The following ATP1A3 variants were observed in gnomAD, a reference collection of about 807,000 sequenced individuals.
The protein encoded by ATP1A3 is sodium/potassium-transporting ATPase subunit alpha-3.
Under a neutral mutation model 108.8 loss-of-function variants are expected in ATP1A3, and 12 were observed. The ratio of observed to expected loss-of-function variants is 0.11; its 90% confidence interval spans 0.07 to 0.18. The LOEUF (loss-of-function observed/expected upper bound fraction) is 0.18, where lower values mean the gene tolerates loss of function less well. Ranked by LOEUF, ATP1A3 falls within the 10% of genes least tolerant of loss-of-function variation. ATP1A3 has a pLI of 1.00. For missense variants in ATP1A3, 498 were observed against 1,387.7 expected, an observed-to-expected ratio of 0.36 and a Z score of 10.19; for synonymous variants, 539 against 564.5, an observed-to-expected ratio of 0.95 and a Z score of 0.64.
At chr19:41,993,302 G>C in intron 1 of ATP1A3, 1 of 1,306,122 alleles carries the variant, frequency 7.7e-7, no homozygotes, top group South Asian at 1.3e-5. Flanking sequence ...AAGGACACAC[G>C]GACACAGAGG....
intron 16 of ATP1A3, among the ~76,000 whole-genome samples, chr19:41,973,521 G>A (rs1568856787): frequency 6.6e-6 from 1 of 152,220 alleles, no homozygotes; most frequent in Non-Finnish European, 1.5e-5. Context: ...CTCCCAAAGT[G>A]CTGGGATTAC....
chr19:41,991,622 G>A (rs1434373699), intron 1 of ATP1A3, among the ~76,000 whole-genome samples: 3 of 152,180 alleles, frequency 2.0e-5, no homozygotes, highest in African/African-American at 7.2e-5. Context: ...GAGAGAGGGA[G>A]AAAATCAGCT....
chr19:41,975,206 A>C (rs2075153115), intron 16 of ATP1A3, among the ~76,000 whole-genome samples: 2 of 152,028 alleles, frequency 1.3e-5, no homozygotes, highest in African/African-American at 4.8e-5. Flanking sequence ...CAACCGCCAC[A>C]ATGCCCGGCT....
intron 16 of ATP1A3, among the ~76,000 whole-genome samples, chr19:41,975,227 A>G (rs2075153512): frequency 6.6e-6 from 1 of 151,974 alleles, no homozygotes; most frequent in East Asian, 1.9e-4. Flanking sequence ...AATTTTTTGT[A>G]TTTTTAGTAG....
At position 41,985,190 on chromosome 19, in the gene ATP1A3, C is replaced by T; in HGVS notation, c.725-4G>A. 1 of 1,613,660 alleles carries T rather than the reference C, an allele frequency of 6.2e-7. No individual in the cohort carries two copies. ...ACCACCACGCCCCGAGCCGTGCCTG[C>T]AGGCCAGAGGGGTTAGGCTGAGGTG... On this transcript the variant is annotated splice_region_variant and splice_polypyrimidine_tract_variant and intron_variant, in intron 7 of 22. Transcript: ENST00000648268. The surrounding 1 kb of genome is among the most constrained non-coding windows in gnomAD (Gnocchi z 8.2).
Position 41,988,569 on chromosome 19 carries a change from G to T in ATP1A3, c.7-7C>A. 2 of 1,614,146 alleles carry T rather than the reference G, an allele frequency of 1.2e-6. No individual in the cohort carries two copies. The highest frequency in any genetic ancestry group is 2.7e-5 in the African/African-American group (2 of 75,026). ...CCTTGTCATCTTTCTTGTCCTGCGA[G>T]GTGGCGATACGATAGCTGTCAGAGC... On this transcript the variant is annotated splice_polypyrimidine_tract_variant and splice_region_variant and intron_variant, in intron 1 of 22. Coordinates refer to ENST00000648268, the MANE Select transcript of ATP1A3 (RefSeq NM_152296.5). The surrounding 1 kb of genome is among the most constrained non-coding windows in gnomAD (Gnocchi z 5.3).
At position 41,971,584 on chromosome 19, in the gene ATP1A3, C is replaced by T. The variant is rs148794981; in HGVS notation, c.2264-1042G>A. The stretch of plus-strand genomic sequence containing the variant: ...CTACACAGCAAGAAGGGGCGAGCTA[C>T]GGACACAACTCCACAGCTGGACCTT... On this transcript the variant is annotated intron_variant, in intron 16 of 22. Coordinates refer to ENST00000648268, the MANE Select transcript of ATP1A3 (RefSeq NM_152296.5). 7.3e-4 allele frequency among the ~76,000 whole-genome samples: 111 copies of T among 152,244 alleles called. 1 individual carries two copies. In the Middle Eastern group the frequency reaches 0.01, roughly 14 times the overall value.
In ATP1A3 at chr19:41,978,920, C is replaced by T. The variant is rs1331064484; in HGVS notation, c.1438-122G>A. On this transcript the variant is annotated intron_variant, in intron 11 of 22. Transcript: ENST00000648268. This position sits in a 1 kb window ranked among gnomAD's most constrained non-coding sequence, Gnocchi z 8.3. ...ATAGGCCCACACCAGGGCTCCCCCACACTCTCTCACAGAGACCTCTGCTCA... is the reference window on the plus strand; with the variant it reads ...ATAGGCCCACACCAGGGCTCCCCCATACTCTCTCACAGAGACCTCTGCTCA... 1.9e-5 allele frequency: 16 copies of T among 827,694 alleles called. No homozygotes were observed. The highest frequency in any genetic ancestry group is 2.9e-5 in the Non-Finnish European group (15 of 512,458). The allele number at this position is 827,694 out of a possible 1,614,324, so 51.3% of individuals were successfully genotyped here. A position where few individuals can be genotyped will look rare whatever the true frequency, so the allele number is the denominator to read the frequency against.
In ATP1A3 at chr19:41,988,397, G is replaced by A. The variant is rs781815502; in HGVS notation, c.94-20C>T. The A allele has an allele frequency of 1.2e-6, 2 of 1,614,184 alleles. No individual in the cohort carries two copies. Among genetic ancestry groups the A allele is most frequent in the South Asian group, 2.2e-5 (2 of 91,084 alleles). On this transcript the variant is annotated intron_variant, in intron 2 of 22. Transcript: ENST00000648268. The surrounding 1 kb of genome is among the most constrained non-coding windows in gnomAD (Gnocchi z 5.3). ...CTCTGTCTGAGGAACAGGAGTTTGG[G>A]GGAGACGGTGAGTGCCTAGGCCAGC...
At chr19:41,984,765 A>G in intron 8 of ATP1A3, 153 bp downstream of exon 8, 3 of 920,546 alleles carry the variant, frequency 3.3e-6, no homozygotes, top group Middle Eastern at 3.4e-4. Flanking sequence ...AGGGGTCCAG[A>G]TCCCAGCCCC....
Position 41,970,303 on chromosome 19 carries a change from A to C in ATP1A3, c.2424T>G (p.Pro808=), listed in dbSNP as rs781875989. 1 of 1,614,128 alleles carries C rather than the reference A, an allele frequency of 6.2e-7. No homozygotes were observed. Among genetic ancestry groups the C allele is most frequent in the Non-Finnish European group, 8.5e-7 (1 of 1,180,022 alleles). Residue 808 remains proline, a synonymous_variant, in exon 18 of 23, where the codon CCT becomes CCG. Coordinates refer to ENST00000648268, the MANE Select transcript of ATP1A3 (RefSeq NM_152296.5). ...CAGCCTCGTACGCCAGTGAGATGGC[A>C]GGGACCTAGGCGGAGGAGGCCGGGT... ...LCIDLGTDMV[P]AISLAYEAAE... is the part of the protein sequence containing the mutation.
At position 41,966,971 on chromosome 19, in the gene ATP1A3, G is replaced by A. The variant is rs1555858734; in HGVS notation, c.3014-6C>T. On this transcript the variant is annotated splice_region_variant and splice_polypyrimidine_tract_variant and intron_variant, in intron 22 of 22. Transcript: ENST00000648268. ...GGTTTCCTTCTCCACCCAACCTGGAGAGACAAAGAAGGAAAGAAAGAGACA... is the reference window on the plus strand; with the variant it reads ...GGTTTCCTTCTCCACCCAACCTGGAAAGACAAAGAAGGAAAGAAAGAGACA... 6.4e-7 allele frequency: 1 copy of A among 1,551,610 alleles called. No homozygotes were observed. Among genetic ancestry groups the A allele is most frequent in the East Asian group, 2.4e-5 (1 of 40,904 alleles).
At chr19:41,989,177 C>A (rs1181003525) in intron 1 of ATP1A3, among the ~76,000 whole-genome samples, 1 of 151,884 alleles carries the variant, frequency 6.6e-6, no homozygotes, top group South Asian at 2.1e-4. Context: ...TGGACTCAAG[C>A]GATCCTCCTG....
At position 41,967,864 on chromosome 19, in the gene ATP1A3, G is replaced by A; in HGVS notation, c.2820-101C>T. ...GGCACAGTGCAGACACCCAGAGACA[G>A]CAGCACAGACACAGAGACAGAGAGG... On this transcript the variant is annotated intron_variant, in intron 20 of 22. Transcript: ENST00000648268. This position sits in a 1 kb window ranked among gnomAD's most constrained non-coding sequence, Gnocchi z 4.2. 1 of 978,096 alleles carries A rather than the reference G, an allele frequency of 1.0e-6. No individual in the cohort carries two copies. Among genetic ancestry groups the A allele is most frequent in the Non-Finnish European group, 1.6e-6 (1 of 621,222 alleles). The allele number at this position is 978,096 out of a possible 1,614,324, so 60.6% of individuals were successfully genotyped here.
chr19:41,975,057 T>TC (rs1555860650), intron 16 of ATP1A3, among the ~76,000 whole-genome samples: 1 of 151,810 alleles, frequency 6.6e-6, no homozygotes, highest in Non-Finnish European at 1.5e-5. Flanking sequence ...CTTGAGAATT[T>TC]TTTTTTTTTT....
chr19:41,979,426 C>T (rs782792388), intron 11 of ATP1A3, among the ~76,000 whole-genome samples: 2 of 152,036 alleles, frequency 1.3e-5, no homozygotes, highest in Admixed American at 6.6e-5. Flanking sequence ...GCGATCCTCC[C>T]GCTTCGGTCT....
At position 41,988,726 on chromosome 19, in the gene ATP1A3, C is replaced by T. The variant is rs782642515; in HGVS notation, c.7-164G>A. ...GCCTCTCGGGGTCTCCCTGTGTCTC[C>T]CGGAGCCTCTGGGTGACTTCACCTC... On this transcript the variant is annotated intron_variant, in intron 1 of 22. Transcript: ENST00000648268. The surrounding 1 kb of genome is among the most constrained non-coding windows in gnomAD (Gnocchi z 5.3). The T allele has an allele frequency of 6.4e-5, 92 of 1,445,216 alleles. No homozygotes were observed. Among genetic ancestry groups the T allele is most frequent in the Non-Finnish European group, 8.1e-5 (88 of 1,085,674 alleles). 89.5% of individuals were successfully genotyped at this position (1,445,216 alleles called of 1,614,324 possible). A position where few individuals can be genotyped will look rare whatever the true frequency, so the allele number is the denominator to read the frequency against.
chr19:41,978,486 T>C lies in ATP1A3; in HGVS notation c.1630+120A>G, dbSNP rs562369089. The stretch of plus-strand genomic sequence containing the variant: ...CCTTCCCCTCTCATCCATCCATTCA[T>C]TCATTCATTCATTCATTTACAGTAT... On this transcript the variant is annotated intron_variant, in intron 12 of 22. Transcript: ENST00000648268. This position sits in a 1 kb window ranked among gnomAD's most constrained non-coding sequence, Gnocchi z 8.3. 3.3e-6 allele frequency: 5 copies of C among 1,493,068 alleles called. No homozygotes were observed. The East Asian group carries it at 1.1e-4, about 34-fold the overall frequency. 92.5% of individuals were successfully genotyped at this position (1,493,068 alleles called of 1,614,324 possible). A position where few individuals can be genotyped will look rare whatever the true frequency, so the allele number is the denominator to read the frequency against.
intron 1 of ATP1A3, among the ~76,000 whole-genome samples, chr19:41,992,523 C>T (rs1411237456): frequency 1.2e-4 from 18 of 152,124 alleles, no homozygotes; most frequent in African/African-American, 4.1e-4. Context: ...ACATCTCTGA[C>T]CATCCCTCCC....
Sources: allele counts gnomAD v4.1 joint callset (sites outside exome capture counted in the v4.1 genomes callset), GRCh38; gene constraint gnomAD v4.1.1; non-coding constraint Gnocchi (gnomAD v3.1); transcripts MANE v1.5; gene names NCBI Gene and HGNC (gene_info 2026-07-23, HGNC 2026-07-21).